KCNQ5: variants seen among roughly 807,000 people sequenced by gnomAD.
KCNQ5 encodes the protein potassium voltage-gated channel subfamily KQT member 5.
In KCNQ5, 30 loss-of-function variants were observed where a neutral mutation model predicts 98.2. That is an observed-to-expected ratio of 0.31 (90% CI 0.23 to 0.41). The LOEUF is 0.41. Ranked by LOEUF, KCNQ5 falls within the 10% of genes least tolerant of loss-of-function variation. The probability of loss-of-function intolerance (pLI) is 1.00; values close to 1 mark genes in which losing one functional copy is unlikely to be tolerated. For missense variants in KCNQ5, 835 were observed against 1,182.5 expected (o/e 0.71, Z 4.31); for synonymous variants, 458 against 449.4 (o/e 1.02, Z -0.24).
intron 1 of KCNQ5, among the ~76,000 whole-genome samples, chr6:72,770,248 G>C (rs1490051745): frequency 1.3e-5 from 2 of 152,094 alleles, no homozygotes; most frequent in Admixed American, 1.3e-4. Context: ...GGGAAGAGAG[G>C]AAAGAGACAA....
At chr6:72,644,196 T>A (rs1040795884) in intron 1 of KCNQ5, among the ~76,000 whole-genome samples, 9 of 152,238 alleles carry the variant, frequency 5.9e-5, no homozygotes, top group Non-Finnish European at 1.2e-4. Flanking sequence ...TTAGGTCCTA[T>A]GAGCCTTTGG....
At chr6:73,114,247 A>C (rs192375568) in intron 7 of KCNQ5, among the ~76,000 whole-genome samples, 191 of 152,264 alleles carry the variant, frequency 1.3e-3, no homozygotes, top group Non-Finnish European at 2.1e-3. Flanking sequence ...TCATCCTTTC[A>C]CCTTCTTACC....
intron 1 of KCNQ5, among the ~76,000 whole-genome samples, chr6:72,923,289 A>AT (rs1252588047): frequency 6.6e-6 from 1 of 152,092 alleles, no homozygotes; most frequent in Non-Finnish European, 1.5e-5. Context: ...TTCTAGGTTT[A>AT]TTTTTTTGAG....
chr6:72,947,156 A>T (rs1373749344), intron 1 of KCNQ5, among the ~76,000 whole-genome samples: 1 of 152,164 alleles, frequency 6.6e-6, no homozygotes, highest in African/African-American at 2.4e-5. Context: ...TAATAAGATG[A>T]TGTACAGGGG....
intron 1 of KCNQ5, among the ~76,000 whole-genome samples, chr6:72,805,157 C>G (rs780957381): frequency 4.6e-5 from 7 of 152,054 alleles, no homozygotes; most frequent in Non-Finnish European, 8.8e-5. Context: ...TGTGCAGAAG[C>G]TTTTTAACTT....
chr6:72,638,109 A>G (rs890740122), intron 1 of KCNQ5, among the ~76,000 whole-genome samples: 1 of 152,184 alleles, frequency 6.6e-6, no homozygotes, highest in Non-Finnish European at 1.5e-5. Context: ...AATAGGAAAG[A>G]AAACTATGTA....
At chr6:72,964,583 T>C (rs1477751520) in intron 1 of KCNQ5, among the ~76,000 whole-genome samples, 3 of 152,238 alleles carry the variant, frequency 2.0e-5, no homozygotes, top group African/African-American at 4.8e-5. Context: ...CTTATATAAT[T>C]TAATAACAGC....
intron 1 of KCNQ5, among the ~76,000 whole-genome samples, chr6:72,922,218 T>C (rs1339377920): frequency 6.6e-6 from 1 of 152,196 alleles, no homozygotes; most frequent in African/African-American, 2.4e-5. Context: ...GAATATTATT[T>C]TACTGTCTGT....
At chr6:72,897,278 C>T (rs528722347) in intron 1 of KCNQ5, among the ~76,000 whole-genome samples, 4 of 152,146 alleles carry the variant, frequency 2.6e-5, no homozygotes, top group East Asian at 1.9e-4. Context: ...AGGTGGCTTA[C>T]GTCTGTAATC....
At chr6:72,950,699 G>T (rs186922455) in intron 1 of KCNQ5, among the ~76,000 whole-genome samples, 1 of 152,274 alleles carries the variant, frequency 6.6e-6, no homozygotes, top group Non-Finnish European at 1.5e-5. Flanking sequence ...GGCATTGGAG[G>T]GGAAGTGAAT....
chr6:73,185,865 C>G (rs555815269), intron 11 of KCNQ5, among the ~76,000 whole-genome samples: 2 of 152,114 alleles, frequency 1.3e-5, no homozygotes, highest in Non-Finnish European at 2.9e-5. Context: ...TTAGGACATG[C>G]CTAGTCTTCT....
chr6:72,816,736 A>G (rs1775524078), intron 1 of KCNQ5, among the ~76,000 whole-genome samples: 1 of 152,222 alleles, frequency 6.6e-6, no homozygotes, highest in African/African-American at 2.4e-5. Context: ...GTGGTCACCC[A>G]TGGATGTGGC....
chr6:73,134,913 C>T (rs573893601), intron 10 of KCNQ5: 2 of 152,290 alleles, frequency 1.3e-5, no homozygotes, highest in Non-Finnish European at 2.9e-5. Flanking sequence ...TTTCCTCACT[C>T]TCCTCCTAGG....
chr6:73,114,489 T>C (rs757704167), intron 7 of KCNQ5, among the ~76,000 whole-genome samples: 1 of 152,254 alleles, frequency 6.6e-6, no homozygotes, highest in Non-Finnish European at 1.5e-5. Context: ...TTTGCATGAT[T>C]CTTTTAAATT....
intron 1 of KCNQ5, among the ~76,000 whole-genome samples, chr6:72,878,224 T>C: frequency 6.6e-6 from 1 of 152,146 alleles, no homozygotes; most frequent in Admixed American, 6.5e-5. Context: ...GAGCCGAGAT[T>C]GCGCCACTGC....
At chr6:72,767,995 T>C (rs1190622990) in intron 1 of KCNQ5, among the ~76,000 whole-genome samples, 1 of 152,070 alleles carries the variant, frequency 6.6e-6, no homozygotes, top group Non-Finnish European at 1.5e-5. Context: ...AATAGACATA[T>C]ATCCAAGAGA....
At chr6:72,724,111 C>T (rs1298026081) in intron 1 of KCNQ5, among the ~76,000 whole-genome samples, 1 of 151,386 alleles carries the variant, frequency 6.6e-6, no homozygotes, top group African/African-American at 2.4e-5. Flanking sequence ...GTGGTTTGTT[C>T]CCTAATTATT....
intron 1 of KCNQ5, among the ~76,000 whole-genome samples, chr6:72,757,332 A>G (rs1772021468): frequency 6.6e-6 from 1 of 152,196 alleles, no homozygotes; most frequent in Admixed American, 6.5e-5. Flanking sequence ...GTGTATATCT[A>G]AGGCATCTTT....
intron 2 of KCNQ5, among the ~76,000 whole-genome samples, chr6:73,012,585 C>T (rs1378886462): frequency 6.6e-6 from 1 of 151,902 alleles, no homozygotes; most frequent in Non-Finnish European, 1.5e-5. Context: ...TATTTAATAC[C>T]ACACTGAACC....
Sources: allele counts gnomAD v4.1 joint callset (sites outside exome capture counted in the v4.1 genomes callset), GRCh38; gene constraint gnomAD v4.1.1; transcripts MANE v1.5; gene names NCBI Gene and HGNC (gene_info 2026-07-23, HGNC 2026-07-21).